Variants in HNRNPA2B1 observed in about 807,000 individuals in gnomAD.
HNRNPA2B1 encodes the protein heterogeneous nuclear ribonucleoproteins A2/B1.
A neutral mutation model predicts 46.3 loss-of-function variants in HNRNPA2B1; 3 were observed. That is an observed-to-expected ratio of 0.06 (90% CI 0.03 to 0.17). The LOEUF (loss-of-function observed/expected upper bound fraction) is 0.17. Among genes scored for constraint, HNRNPA2B1 ranks in the 10% least tolerant of loss-of-function variants. The pLI is 1.00. For synonymous variants in HNRNPA2B1, 225 were observed against 133.8 expected, an observed-to-expected ratio of 1.68 and a Z score of -4.70; for missense variants, 221 against 418.9, an observed-to-expected ratio of 0.53 and a Z score of 4.12.
intron 1 of HNRNPA2B1, chr7:26,198,789 TAA>T (rs1783985488): frequency 6.6e-6 from 1 of 152,262 alleles, no homozygotes; most frequent in Non-Finnish European, 1.5e-5. Flanking sequence ...TAATGCAAAC[TAA>T]AAAGTCACAC....
chr7:26,190,527 T>C lies in HNRNPA2B1; in HGVS notation c.*1833A>G, dbSNP rs1583954695. 1 of 152,288 alleles carries C rather than the reference T, an allele frequency of 6.6e-6. No individual in the cohort carries two copies. Among genetic ancestry groups the C allele is most frequent in the East Asian group, 1.9e-4 (1 of 5,204 alleles). 9.4% of individuals were successfully genotyped at this position (152,288 alleles called of 1,614,324 possible). A position where few individuals can be genotyped will look rare whatever the true frequency, so the allele number is the denominator to read the frequency against. On this transcript the variant is annotated 3_prime_UTR_variant, in exon 11 of 11. Coordinates refer to ENST00000618183, the MANE Select transcript of HNRNPA2B1 (RefSeq NM_002137.4). ...TTTGTCCAAAAGAACCTAAACAACT[T>C]CAGTGGTGGTCTTAGGATCAAAGAA...
chr7:26,193,144 G>T, intron 9 of HNRNPA2B1, 107 bp downstream of exon 9: 1 of 1,076,346 alleles, frequency 9.3e-7, no homozygotes, highest in Non-Finnish European at 1.4e-6. Flanking sequence ...CGTACATGGA[G>T]CACTGCCCAC....
chr7:26,194,729 G>A (rs1157395350), intron 7 of HNRNPA2B1, among the ~76,000 whole-genome samples: 2 of 150,754 alleles, frequency 1.3e-5, no homozygotes. Context: ...CACACAGTAT[G>A]TTCTTTACTG....
In HNRNPA2B1 at chr7:26,195,719, A is replaced by G. The variant is rs143832986; in HGVS notation, c.721+128T>C. ...AAAACTACTTAGAAATAACTGGACC[A>G]CTATCACCCAAGCCATTTATAGACA... is the stretch of plus-strand genomic sequence containing the variant. On this transcript the variant is annotated intron_variant, in intron 7 of 10. Transcript: ENST00000618183. 63 of 989,928 alleles carry G rather than the reference A, an allele frequency of 6.4e-5. 1 individual carries two copies. In the East Asian group the frequency reaches 1.5e-3, roughly 24 times the overall value. 61.3% of individuals were successfully genotyped at this position (989,928 alleles called of 1,614,324 possible). A position where few individuals can be genotyped will look rare whatever the true frequency, so the allele number is the denominator to read the frequency against.
At chr7:26,197,205 T>A (rs1783742322) in intron 3 of HNRNPA2B1, 110 bp downstream of exon 3, 3 of 1,359,652 alleles carry the variant, frequency 2.2e-6, no homozygotes, top group Non-Finnish European at 3.0e-6. Context: ...CCAACACACC[T>A]TTAATAAGAG....
intron 7 of HNRNPA2B1, among the ~76,000 whole-genome samples, chr7:26,195,520 C>G (rs765891449): frequency 4.6e-5 from 7 of 152,214 alleles, no homozygotes; most frequent in Non-Finnish European, 8.8e-5. Context: ...ATACCACCCC[C>G]TTAGGTTTTA....
chr7:26,197,270 C>G, intron 3 of HNRNPA2B1, 45 bp downstream of exon 3: 3 of 1,550,748 alleles, frequency 1.9e-6, no homozygotes, highest in East Asian at 2.3e-5. Flanking sequence ...TTCAGCAGGG[C>G]AGCGTTCTTC....
At chr7:26,192,606 C>T in intron 9 of HNRNPA2B1, 29 bp from the exon 10 acceptor site, 1 of 1,589,740 alleles carries the variant, frequency 6.3e-7, no homozygotes, top group Non-Finnish European at 8.6e-7. Flanking sequence ...CAAGAGAAAA[C>T]AAACTTACTT....
In HNRNPA2B1 at chr7:26,196,484, A is replaced by G. The variant is rs981604646; in HGVS notation, c.578-3T>C. 6.2e-7 allele frequency: 1 copy of G among 1,614,164 alleles called. No homozygotes were observed. The highest frequency in any genetic ancestry group is 1.7e-5 in the Admixed American group (1 of 60,020). ...TGAATCCCCAAAGCCAAAGTTGCCT[A>G]CAATAAATGCCCCAGTTAGAAGCAA... On this transcript the variant is annotated splice_region_variant and splice_polypyrimidine_tract_variant and intron_variant, in intron 5 of 10. Coordinates refer to ENST00000618183, the MANE Select transcript of HNRNPA2B1 (RefSeq NM_002137.4).
At chr7:26,193,821 G>T in intron 7 of HNRNPA2B1, 127 bp from the exon 8 acceptor site, 1 of 840,580 alleles carries the variant, frequency 1.2e-6, no homozygotes, top group Non-Finnish European at 1.9e-6. Context: ...CTCTAAAATA[G>T]CTTCAAGGAC....
At chr7:26,195,741 G>A (rs1365752133) in intron 7 of HNRNPA2B1, 106 bp downstream of exon 7, 44 of 1,252,450 alleles carry the variant, frequency 3.5e-5, no homozygotes, top group Non-Finnish European at 4.1e-5. Flanking sequence ...GCCATTTATA[G>A]ACACTAATAT....
At chr7:26,199,675 G>C (rs1449437493) in intron 1 of HNRNPA2B1, 1 of 152,012 alleles carries the variant, frequency 6.6e-6, no homozygotes, top group Non-Finnish European at 1.5e-5. Flanking sequence ...CGTGGCCGAT[G>C]GCTTCCAATT....
chr7:26,197,293 A>C (rs1225014875), intron 3 of HNRNPA2B1, 22 bp downstream of exon 3: 1 of 1,591,904 alleles, frequency 6.3e-7, no homozygotes, highest in African/African-American at 1.4e-5. Context: ...GTTAATGCAC[A>C]AGACAGTCAT....
At chr7:26,200,438 C>T (rs557853907) in intron 1 of HNRNPA2B1, 134 bp downstream of exon 1, 4 of 887,802 alleles carry the variant, frequency 4.5e-6, no homozygotes, top group Admixed American at 1.7e-5. Flanking sequence ...CGTTCATAAA[C>T]CTTAAGCCCC....
intron 7 of HNRNPA2B1, among the ~76,000 whole-genome samples, chr7:26,194,681 A>T (rs1562705787): frequency 6.6e-6 from 1 of 152,064 alleles, no homozygotes; most frequent in Non-Finnish European, 1.5e-5. Flanking sequence ...CAACAAAGCC[A>T]GACCCCATTT....
chr7:26,196,714 CA>C lies in HNRNPA2B1; in HGVS notation c.476-57del, dbSNP rs1466369346. On this transcript the variant is annotated intron_variant, in intron 4 of 10. Coordinates refer to ENST00000618183, the MANE Select transcript of HNRNPA2B1 (RefSeq NM_002137.4). ...TTAAATCAACAATATTAAGCAGCTT[CA>C]AAAGTTTACCTTTCAATAAAGTTAC... 3 of 1,570,172 alleles carry C rather than the reference CA, an allele frequency of 1.9e-6. No individual in the cohort carries two copies. The African/African-American group carries it at 4.1e-5, about 21-fold the overall frequency.
intron 1 of HNRNPA2B1, 156 bp from the exon 2 acceptor site, chr7:26,197,888 A>G (rs767187613): frequency 6.4e-7 from 1 of 1,571,610 alleles, no homozygotes; most frequent in South Asian, 1.2e-5. Flanking sequence ...AAAAAAACTT[A>G]CATCAAATTT....
At chr7:26,197,178 G>T (rs1168145526) in intron 3 of HNRNPA2B1, 137 bp downstream of exon 3, 2 of 1,217,676 alleles carry the variant, frequency 1.6e-6, no homozygotes, top group Non-Finnish European at 2.3e-6. Context: ...GCTAGCTTAA[G>T]AAAATGGTCC....
At position 26,193,819 on chromosome 7, in the gene HNRNPA2B1, T is replaced by C. The variant is rs879250482; in HGVS notation, c.722-125A>G. On this transcript the variant is annotated intron_variant, in intron 7 of 10. Transcript: ENST00000618183. The stretch of plus-strand genomic sequence containing the variant: ...AATATTTAATGAAATTCCTCTAAAA[T>C]AGCTTCAAGGACTGAATAACTATCC... The C allele has an allele frequency of 4.5e-5, 38 of 851,760 alleles. No homozygotes were observed. In the South Asian group the frequency reaches 5.4e-4, roughly 12 times the overall value. 52.8% of individuals were successfully genotyped at this position (851,760 alleles called of 1,614,324 possible). A position where few individuals can be genotyped will look rare whatever the true frequency, so the allele number is the denominator to read the frequency against.
Sources: gnomAD v4.1 joint callset for allele counts (sites outside exome capture counted in the v4.1 genomes callset) on GRCh38, gnomAD v4.1.1 for gene constraint, MANE v1.5 for transcripts, NCBI Gene and HGNC (gene_info 2026-07-23, HGNC 2026-07-21) for gene names.